BTBD9: variants seen among roughly 807,000 people sequenced by gnomAD.
BTBD9 encodes BTB domain containing 9.
BTBD9 carries 49 observed loss-of-function variants against 64.3 expected under a neutral mutation model. The ratio of observed to expected loss-of-function variants is 0.76; its 90% CI spans 0.61 to 0.97. The LOEUF (loss-of-function observed/expected upper bound fraction) is 0.97. Ranked by LOEUF, BTBD9 falls within the 50% of genes least tolerant of loss-of-function variation. BTBD9 has a pLI of 0.00. For missense variants in BTBD9, 598 were observed against 762.1 expected (o/e 0.78, Z 2.53); for synonymous variants, 260 against 274.7 (o/e 0.95, Z 0.53).
chr6:38,604,666 C>A (rs1218655761), intron 1 of BTBD9, among the ~76,000 whole-genome samples: 1 of 152,082 alleles, frequency 6.6e-6, no homozygotes, highest in Admixed American at 6.6e-5. Flanking sequence ...AAGTACCATA[C>A]CAAAACAACC....
chr6:38,617,095 C>T (rs972836624), intron 1 of BTBD9, among the ~76,000 whole-genome samples: 4 of 152,146 alleles, frequency 2.6e-5, no homozygotes, highest in South Asian at 2.1e-4. Flanking sequence ...GTGCGGCCAC[C>T]GGACTAAAGA....
At chr6:38,241,326 C>T (rs1463358457) in intron 9 of BTBD9, among the ~76,000 whole-genome samples, 1 of 152,174 alleles carries the variant, frequency 6.6e-6, no homozygotes, top group Non-Finnish European at 1.5e-5. Flanking sequence ...GATGAGGAAG[C>T]AAGCAGTATT....
chr6:38,266,599 AAGAAAGGAAAGAAAG>A (rs1764984596), intron 8 of BTBD9, among the ~76,000 whole-genome samples: 1 of 131,938 alleles, frequency 7.6e-6, no homozygotes, highest in East Asian at 2.4e-4. Context: ...AAAGAAAGGA[AAGAAAGGAAAGAAAG>A]AAAGAAAGAA....
At chr6:38,446,404 T>C (rs1039902330) in intron 6 of BTBD9, among the ~76,000 whole-genome samples, 1 of 151,980 alleles carries the variant, frequency 6.6e-6, no homozygotes, top group Non-Finnish European at 1.5e-5. Flanking sequence ...GAGAAATGGG[T>C]TGCCCTAATC....
intron 6 of BTBD9, among the ~76,000 whole-genome samples, chr6:38,473,457 T>C (rs1770737027): frequency 6.6e-6 from 1 of 152,218 alleles, no homozygotes; most frequent in African/African-American, 2.4e-5. Context: ...CAATCTGACT[T>C]ATCTCTTTGC....
At chr6:38,476,987 A>G (rs9470884) in intron 6 of BTBD9, among the ~76,000 whole-genome samples, 16,800 of 152,264 alleles carry the variant, frequency 0.11, 979 homozygotes, top group African/African-American at 0.14. Context: ...ACAACACTAC[A>G]TGGGGCCCTG....
chr6:38,180,979 C>T (rs148991188), intron 10 of BTBD9, among the ~76,000 whole-genome samples: 3 of 152,328 alleles, frequency 2.0e-5, no homozygotes, highest in African/African-American at 7.2e-5. Flanking sequence ...TGGAGATAGG[C>T]TGGGTGTTCT....
In BTBD9 at chr6:38,171,769, C is replaced by A. The variant is rs1424207980; in HGVS notation, c.*3216G>T. ...TACACTCTCAGTCCACCCCAAATGA[C>A]CCTCCCCAGAGCTGCCAGAAGGTGA... is the stretch of plus-strand genomic sequence containing the variant. On this transcript the variant is annotated 3_prime_UTR_variant, in exon 11 of 11. Coordinates refer to ENST00000481247, the MANE Select transcript of BTBD9 (RefSeq NM_001099272.2). 2 of 147,092 alleles carry A rather than the reference C, an allele frequency of 1.4e-5. No homozygotes were observed. Among genetic ancestry groups the A allele is most frequent in the East Asian group, 4.2e-4 (2 of 4,798 alleles). The allele number at this position is 147,092 out of a possible 1,614,324, so 9.1% of individuals were successfully genotyped here.
chr6:38,406,054 G>A (rs1767146735), intron 6 of BTBD9, among the ~76,000 whole-genome samples: 1 of 152,148 alleles, frequency 6.6e-6, no homozygotes, highest in African/African-American at 2.4e-5. Flanking sequence ...CTATTCAAGT[G>A]GGCTCAACTT....
At chr6:38,516,523 T>C (rs1047688566) in intron 6 of BTBD9, among the ~76,000 whole-genome samples, 1 of 152,208 alleles carries the variant, frequency 6.6e-6, no homozygotes, top group African/African-American at 2.4e-5. Flanking sequence ...GACTCTGTCA[T>C]GCCTGCACTG....
chr6:38,521,911 G>T (rs1773287920), intron 6 of BTBD9, among the ~76,000 whole-genome samples: 1 of 152,104 alleles, frequency 6.6e-6, no homozygotes, highest in Admixed American at 6.6e-5. Flanking sequence ...TTGACCCCAG[G>T]TGATCCACCC....
At chr6:38,560,724 C>T (rs1425007640) in intron 6 of BTBD9, among the ~76,000 whole-genome samples, 1 of 152,052 alleles carries the variant, frequency 6.6e-6, no homozygotes, top group Non-Finnish European at 1.5e-5. Flanking sequence ...TGATCCTCTC[C>T]CTCCTTCCAC....
intron 7 of BTBD9, among the ~76,000 whole-genome samples, chr6:38,325,578 G>T (rs900746948): frequency 6.6e-6 from 1 of 152,108 alleles, no homozygotes; most frequent in South Asian, 2.1e-4. Context: ...TCAGCTACTC[G>T]GGAGGCTGAG....
At chr6:38,583,105 T>C (rs1326584832) in intron 4 of BTBD9, among the ~76,000 whole-genome samples, 1 of 152,174 alleles carries the variant, frequency 6.6e-6, no homozygotes, top group Non-Finnish European at 1.5e-5. Flanking sequence ...TAAAAATAAA[T>C]GTGTTTTCCC....
chr6:38,304,202 A>G (rs926318934), intron 7 of BTBD9, among the ~76,000 whole-genome samples: 5 of 151,978 alleles, frequency 3.3e-5, no homozygotes, highest in African/African-American at 1.2e-4. Flanking sequence ...CTTTTACTAG[A>G]AATCAACTAG....
rs146726826 is a variant in BTBD9, at chr6:38,241,189, C to T, written c.1562+15220G>A. Among the ~76,000 whole-genome samples, 3 of 152,270 alleles carry T rather than the reference C, an allele frequency of 2.0e-5. No homozygotes were observed. In the East Asian group the frequency reaches 5.8e-4, roughly 29 times the overall value. ...AGAATTCAGTAACTCTCCAGAGAAT[C>T]AGGAAGGAAAAAAGAACGATATAAA... is the stretch of plus-strand genomic sequence containing the variant. On this transcript the variant is annotated intron_variant, in intron 9 of 10. Transcript: ENST00000481247.
chr6:38,226,289 T>C (rs1380414191), intron 9 of BTBD9, among the ~76,000 whole-genome samples: 1 of 152,154 alleles, frequency 6.6e-6, no homozygotes, highest in Non-Finnish European at 1.5e-5. Flanking sequence ...TGGCAACATA[T>C]GTATAAGCAA....
chr6:38,282,758 C>T (rs1049072016), intron 8 of BTBD9, among the ~76,000 whole-genome samples: 2 of 152,222 alleles, frequency 1.3e-5, no homozygotes, highest in African/African-American at 4.8e-5. Context: ...AGAGGACTTA[C>T]TGTCTCCATC....
At chr6:38,486,828 C>T (rs1771454424) in intron 6 of BTBD9, among the ~76,000 whole-genome samples, 1 of 152,186 alleles carries the variant, frequency 6.6e-6, no homozygotes, top group South Asian at 2.1e-4. Flanking sequence ...GTTGCCATAA[C>T]CTTCAGTTGG....
Sources: allele counts gnomAD v4.1 joint callset (sites outside exome capture counted in the v4.1 genomes callset), GRCh38; gene constraint gnomAD v4.1.1; transcripts MANE v1.5; gene names NCBI Gene and HGNC (gene_info 2026-07-23, HGNC 2026-07-21).